The following NYAP2 variants were observed in gnomAD, a reference collection of about 807,000 sequenced individuals.
NYAP2 encodes the protein neuronal tyrosine-phosphorylated phosphoinositide-3-kinase adaptor 2.
In NYAP2, 23 loss-of-function variants were observed where a neutral mutation model predicts 50.4. That is an observed-to-expected ratio of 0.46 (90% CI 0.33 to 0.65). The LOEUF (loss-of-function observed/expected upper bound fraction) is 0.65, where lower values mean the gene tolerates loss of function less well. Among genes scored for constraint, NYAP2 ranks in the 30% least tolerant of loss-of-function variants. The probability of loss-of-function intolerance (pLI) is 0.02; values close to 1 mark genes in which losing one functional copy is unlikely to be tolerated. For missense variants in NYAP2, 885 were observed against 861.0 expected (o/e 1.03, Z -0.35); for synonymous variants, 394 against 365.2 (o/e 1.08, Z -0.90).
intron 4 of NYAP2, among the ~76,000 whole-genome samples, chr2:225,541,034 A>G (rs1023408890): frequency 3.3e-5 from 5 of 152,150 alleles, no homozygotes; most frequent in African/African-American, 1.2e-4. Flanking sequence ...CATTTCTTTG[A>G]TGATCAATGA....
chr2:225,449,581 ATCTC>A (rs995035245), intron 3 of NYAP2, among the ~76,000 whole-genome samples: 15 of 143,274 alleles, frequency 1.0e-4, no homozygotes, highest in Non-Finnish European at 2.0e-4. Flanking sequence ...AGGAAACCAG[ATCTC>A]TCTCTCTCTC....
intron 3 of NYAP2, among the ~76,000 whole-genome samples, chr2:225,446,451 C>G (rs1689567363): frequency 6.6e-6 from 1 of 151,412 alleles, no homozygotes; most frequent in Non-Finnish European, 1.5e-5. Flanking sequence ...CAAAACAAAA[C>G]AAAAACCCAA....
intron 4 of NYAP2, among the ~76,000 whole-genome samples, chr2:225,547,534 A>G (rs1477486229): frequency 6.6e-6 from 1 of 152,210 alleles, no homozygotes; most frequent in Non-Finnish European, 1.5e-5. Context: ...GGCTGGTCTA[A>G]ATGCGCCCTC....
At chr2:225,502,697 A>C (rs1181909528) in intron 3 of NYAP2, among the ~76,000 whole-genome samples, 1 of 152,200 alleles carries the variant, frequency 6.6e-6, no homozygotes, top group Non-Finnish European at 1.5e-5. Context: ...CATGATCTGC[A>C]TCAGCTGAGA....
intron 5 of NYAP2, among the ~76,000 whole-genome samples, chr2:225,594,973 G>A (rs1220964912): frequency 3.3e-5 from 5 of 152,176 alleles, no homozygotes; most frequent in Non-Finnish European, 5.9e-5. Context: ...GTAAAGCAGC[G>A]TGTAAAGCTG....
exon 7 of NYAP2, chr2:225,651,704 T>A: frequency 3.5e-6 from 3 of 867,330 alleles, no homozygotes; most frequent in Non-Finnish European, 5.3e-6. Context: ...GTCTGTGTTT[T>A]CATTTGAAAA....
intron 4 of NYAP2, among the ~76,000 whole-genome samples, chr2:225,530,575 G>A (rs886652979): frequency 6.6e-6 from 1 of 151,932 alleles, no homozygotes; most frequent in African/African-American, 2.4e-5. Context: ...TCTCCTTGAG[G>A]GTGTCTGTTG....
intron 4 of NYAP2, among the ~76,000 whole-genome samples, chr2:225,536,456 G>A (rs1448248015): frequency 1.3e-5 from 2 of 152,160 alleles, no homozygotes; most frequent in Non-Finnish European, 2.9e-5. Context: ...TTATGGAAGG[G>A]AGCACACAGA....
chr2:225,456,843 G>A (rs1574624371), intron 3 of NYAP2, among the ~76,000 whole-genome samples: 1 of 152,178 alleles, frequency 6.6e-6, no homozygotes, highest in East Asian at 1.9e-4. Flanking sequence ...AAAGGAATGT[G>A]CTTATTAGGG....
At chr2:225,434,607 A>G (rs1191536261) in intron 3 of NYAP2, among the ~76,000 whole-genome samples, 3 of 152,238 alleles carry the variant, frequency 2.0e-5, no homozygotes, top group Non-Finnish European at 4.4e-5. Flanking sequence ...GAGGTGCTGC[A>G]TAACACCAGC....
At chr2:225,501,786 C>T (rs1243871743) in intron 3 of NYAP2, among the ~76,000 whole-genome samples, 1 of 152,188 alleles carries the variant, frequency 6.6e-6, no homozygotes, top group African/African-American at 2.4e-5. Context: ...TCACATCTTT[C>T]TCTCTCTTCC....
intron 6 of NYAP2, among the ~76,000 whole-genome samples, chr2:225,632,433 T>C (rs999958188): frequency 4.6e-5 from 7 of 152,220 alleles, no homozygotes; most frequent in African/African-American, 1.7e-4. Context: ...TACAAACTTC[T>C]ACCAGTCACA....
At chr2:225,402,157 C>G (rs1694874209) in intron 2 of NYAP2, among the ~76,000 whole-genome samples, 1 of 151,936 alleles carries the variant, frequency 6.6e-6, no homozygotes, top group Non-Finnish European at 1.5e-5. Flanking sequence ...AGGACATAGA[C>G]AGTTTAGAGA....
At chr2:225,589,686 C>A (rs922971475) in intron 5 of NYAP2, among the ~76,000 whole-genome samples, 1 of 151,490 alleles carries the variant, frequency 6.6e-6, no homozygotes, top group African/African-American at 2.4e-5. Flanking sequence ...CAGAGCAAGA[C>A]CCTGTCTTAA....
intron 2 of NYAP2, among the ~76,000 whole-genome samples, chr2:225,408,303 G>T (rs1014589260): frequency 6.6e-6 from 1 of 151,948 alleles, no homozygotes; most frequent in African/African-American, 2.4e-5. Flanking sequence ...AGTTAAAAAG[G>T]ATTCTTTTCT....
chr2:225,507,294 C>A (rs1458117679), intron 3 of NYAP2, among the ~76,000 whole-genome samples: 1 of 152,184 alleles, frequency 6.6e-6, no homozygotes, highest in East Asian at 1.9e-4. Flanking sequence ...ACCCCTGTCA[C>A]TTTTGAAGAT....
intron 3 of NYAP2, among the ~76,000 whole-genome samples, chr2:225,430,811 GA>G (rs1367995876): frequency 1.3e-5 from 2 of 152,130 alleles, no homozygotes; most frequent in African/African-American, 4.8e-5. Flanking sequence ...CTCTGTGATG[GA>G]ACATGTGAGG....
chr2:225,463,275 G>A (rs1178875825), intron 3 of NYAP2, among the ~76,000 whole-genome samples: 1 of 152,236 alleles, frequency 6.6e-6, no homozygotes, highest in Non-Finnish European at 1.5e-5. Flanking sequence ...GACAAGCCCA[G>A]TTTTATCTGT....
the NYAP2 span, among the ~76,000 whole-genome samples, chr2:225,663,089 C>A: frequency 2.6e-5 from 4 of 152,166 alleles, no homozygotes; most frequent in East Asian, 7.7e-4. Context: ...TTTCTTTGAG[C>A]AAAAAAGTAC....
Sources: gnomAD v4.1 joint callset for allele counts (sites outside exome capture counted in the v4.1 genomes callset) on GRCh38, gnomAD v4.1.1 for gene constraint, MANE v1.5 for transcripts, NCBI Gene and HGNC (gene_info 2026-07-23, HGNC 2026-07-21) for gene names.